ENKD1: variants seen among roughly 807,000 people sequenced by gnomAD.
The protein encoded by ENKD1 is enkurin domain containing 1.
ENKD1 carries 39 observed loss-of-function variants against 35.8 expected under a neutral mutation model. The ratio of observed to expected loss-of-function variants is 1.09; its 90% CI spans 0.84 to 1.42. ENKD1 has a LOEUF of 1.42. ENKD1 is among the 40% of genes most tolerant of loss of function. The probability of loss-of-function intolerance (pLI) is 0.00; values close to 1 mark genes in which losing one functional copy is unlikely to be tolerated. For missense variants in ENKD1, 474 were observed against 471.3 expected (o/e 1.01, Z -0.05); for synonymous variants, 205 against 198.6 (o/e 1.03, Z -0.27).
chr16:67,666,542 G>A lies in ENKD1; in HGVS notation c.-100C>T. ...CAACCCCGGGCCCCCTCCCTCGCCCGGCACCCTGACCCTGGCGTGCCCGCC... is the reference window on the plus strand; with the variant it reads ...CAACCCCGGGCCCCCTCCCTCGCCCAGCACCCTGACCCTGGCGTGCCCGCC... On this transcript the variant is annotated 5_prime_UTR_variant, in exon 1 of 7. Transcript: ENST00000243878. 5 of 1,164,170 alleles carry A rather than the reference G, an allele frequency of 4.3e-6. No homozygotes were observed. The highest frequency in any genetic ancestry group is 5.7e-6 in the Non-Finnish European group (5 of 880,920). 72.1% of individuals were successfully genotyped at this position (1,164,170 alleles called of 1,614,324 possible). A position where few individuals can be genotyped will look rare whatever the true frequency, so the allele number is the denominator to read the frequency against.
Position 67,666,386 on chromosome 16 carries a change from AC to A in ENKD1, c.56del (p.Cys19PhefsTer20). ...SGPIPPDPTLCPDNYRRPTSA... is the reference protein window; with the variant it reads ...SGPIPPDPTLXPDNYRRPTSA... ...AGGTCGGCCGCCTGTAGTTGTCAGG[AC>A]AGAGCGTCGGGTCTGGGGGGATGGG... On this transcript the variant is annotated frameshift_variant, in exon 1 of 7. Transcript: ENST00000243878. LOFTEE classifies it high-confidence loss of function. 1 of 1,575,022 alleles carries A rather than the reference AC, an allele frequency of 6.3e-7. No individual in the cohort carries two copies. Among genetic ancestry groups the A allele is most frequent in the South Asian group, 1.1e-5 (1 of 87,894 alleles).
Position 67,663,496 on chromosome 16 carries a change from C to G in ENKD1, c.804G>C (p.Pro268=). 9.9e-6 allele frequency: 16 copies of G among 1,612,664 alleles called. No individual in the cohort carries two copies. Among genetic ancestry groups the G allele is most frequent in the Non-Finnish European group, 1.4e-5 (16 of 1,179,864 alleles). The change falls in exon 6 of 7, where the codon CCG becomes CCC. Residue 268 remains proline, a synonymous_variant. Transcript: ENST00000243878. The part of the protein sequence containing the change: ...REAEARKQSQ[P]DPAMPPGHTR... ...TGTGGCCTGGGGGCATGGCAGGGTC[C>G]GGCTGGCTCTGCTTGCGGGCCTCGG...
Position 67,663,550 on chromosome 16 carries a change from C to T in ENKD1, c.750G>A (p.Leu250=). ...TQKGHVPHYL[L]ERRDLWRREA... ...CCCGCCGCCACAGGTCCCTGCGCTCCAACAAGCTGTGGGTACACAGGCTCA... is the reference window on the plus strand; with the variant it reads ...CCCGCCGCCACAGGTCCCTGCGCTCTAACAAGCTGTGGGTACACAGGCTCA... The change falls in exon 6 of 7, where the codon TTG becomes TTA. Residue 250 remains leucine, a synonymous_variant. Coordinates refer to ENST00000243878, the MANE Select transcript of ENKD1 (RefSeq NM_032140.3). The T allele has an allele frequency of 6.2e-7, 1 of 1,611,820 alleles. No individual in the cohort carries two copies. The highest frequency in any genetic ancestry group is 8.5e-7 in the Non-Finnish European group (1 of 1,179,162).
Position 67,666,661 on chromosome 16 carries a change from G to C in ENKD1, c.-219C>G, listed in dbSNP as rs2142988500. 1 of 508,618 alleles carries C rather than the reference G, an allele frequency of 2.0e-6. No homozygotes were observed. The highest frequency in any genetic ancestry group is 3.4e-6 in the Non-Finnish European group (1 of 295,808). The allele number at this position is 508,618 out of a possible 1,614,324, so 31.5% of individuals were successfully genotyped here. Reference sequence around the variant, plus strand: ...CAGCCCACTTCTCGGTCCCGCTCGCGGCCTCTCCCCCGCGGCACTCGGGCA... The same window carrying C: ...CAGCCCACTTCTCGGTCCCGCTCGCCGCCTCTCCCCCGCGGCACTCGGGCA... On this transcript the variant is annotated 5_prime_UTR_variant, in exon 1 of 7. Transcript: ENST00000243878.
At chr16:67,663,888 C>A (rs1166766258) in intron 4 of ENKD1, 49 bp downstream of exon 4, 7 of 1,604,588 alleles carry the variant, frequency 4.4e-6, no homozygotes, top group Non-Finnish European at 6.0e-6. Flanking sequence ...ACCCCCCCCA[C>A]ACCAGGAGCC....
In ENKD1 at chr16:67,663,056, C is replaced by T. The variant is rs2053051932; in HGVS notation, c.*105G>A. 3 of 1,412,000 alleles carry T rather than the reference C, an allele frequency of 2.1e-6. No homozygotes were observed. The highest frequency in any genetic ancestry group is 1.9e-6 in the Non-Finnish European group (2 of 1,041,370). 87.5% of individuals were successfully genotyped at this position (1,412,000 alleles called of 1,614,324 possible). A position where few individuals can be genotyped will look rare whatever the true frequency, so the allele number is the denominator to read the frequency against. ...TCTAGGGACACTGGCCACCCCCCTG[C>T]TCCTGTCTTCAGACCTCTGCTCTGG... On this transcript the variant is annotated 3_prime_UTR_variant, in exon 7 of 7. Transcript: ENST00000243878.
chr16:67,663,178 C>T lies in ENKD1; in HGVS notation c.1024G>A (p.Val342Met), dbSNP rs749387075. 10 of 1,613,924 alleles carry T rather than the reference C, an allele frequency of 6.2e-6. No individual in the cohort carries two copies. The highest frequency in any genetic ancestry group is 1.7e-5 in the Admixed American group (1 of 60,004). The change falls in exon 7 of 7, where the codon GTG becomes ATG. Residue 342 changes from valine (V) to methionine (M), a missense_variant. Coordinates refer to ENST00000243878, the MANE Select transcript of ENKD1 (RefSeq NM_032140.3). ...AAAGGGGCTCAGTCGTCCATCTTCA[C>T]GAAGACTTTGGGCCGAGAAAAGATC... is the stretch of plus-strand genomic sequence containing the variant. ...IKIFSRPKVF[V>M]KMDD
chr16:67,666,615 C>T lies in ENKD1; in HGVS notation c.-173G>A. ...CCGCCTGGGCCCCGGCCTCGCTCGC[C>T]ACCTCCGCGACCTCTGCTCCCAGCC... On this transcript the variant is annotated 5_prime_UTR_variant, in exon 1 of 7. Transcript: ENST00000243878. 1 of 581,640 alleles carries T rather than the reference C, an allele frequency of 1.7e-6. No individual in the cohort carries two copies. The highest frequency in any genetic ancestry group is 3.5e-5 in the East Asian group (1 of 28,682). The allele number at this position is 581,640 out of a possible 1,614,324, so 36.0% of individuals were successfully genotyped here.
Position 67,666,122 on chromosome 16 carries a change from C to A in ENKD1, c.229G>T (p.Val77Leu). ...GAGATCCCCTCGAGTTGCAACAGCA[C>A]GTCCCCGACGCCGCGCTGGCCGCGC... ...LERGQRGVGD[V>L]LLQLEGISLG... The change falls in exon 2 of 7, where the codon GTG becomes TTG. Residue 77 changes from valine to leucine, a missense_variant. Physicochemically the swap from Val to Leu is conservative, Grantham distance 32 (BLOSUM62 1). Coordinates refer to ENST00000243878, the MANE Select transcript of ENKD1 (RefSeq NM_032140.3). 6.2e-7 allele frequency: 1 copy of A among 1,612,856 alleles called. No homozygotes were observed. The highest frequency in any genetic ancestry group is 1.7e-5 in the Admixed American group (1 of 60,030).
chr16:67,666,271 G>A lies in ENKD1; in HGVS notation c.86-6C>T. On this transcript the variant is annotated splice_region_variant and splice_polypyrimidine_tract_variant and intron_variant, in intron 1 of 6. Coordinates refer to ENST00000243878, the MANE Select transcript of ENKD1 (RefSeq NM_032140.3). ...TCCCTCGAGGCGCCCTTGAGCTGTG[G>A]GGCGGAGCCGGGCGGAGTCCGGGGC... 1 of 1,598,988 alleles carries A rather than the reference G, an allele frequency of 6.3e-7. No homozygotes were observed. Among genetic ancestry groups the A allele is most frequent in the Non-Finnish European group, 8.5e-7 (1 of 1,174,068 alleles).
intron 3 of ENKD1, chr16:67,664,621 A>C (rs958913464): frequency 6.5e-6 from 2 of 310,016 alleles, no homozygotes; most frequent in African/African-American, 2.2e-5. Context: ...GTCCTCAGAA[A>C]TAAGGGCTGA....
intron 2 of ENKD1, among the ~76,000 whole-genome samples, chr16:67,665,603 C>G (rs2053090739): frequency 6.6e-6 from 1 of 152,192 alleles, no homozygotes; most frequent in Admixed American, 6.5e-5. Context: ...CTCAAGTGAT[C>G]TGCCCGCCTG....
chr16:67,664,010 G>A lies in ENKD1; in HGVS notation c.506C>T (p.Ser169Phe). 1 of 1,574,074 alleles carries A rather than the reference G, an allele frequency of 6.4e-7. No homozygotes were observed. The highest frequency in any genetic ancestry group is 1.2e-5 in the South Asian group (1 of 86,158). ...TESAHFLRAH[S>F]RCGPGLPPPH... ...TGGTGGGAGGCCAGGGCCGCAGCGG[G>A]AGTGCGCCCGCAGGAAGTGGGCAGA... The change falls in exon 4 of 7, where the codon TCC (serine) becomes TTC (phenylalanine). Residue 169 changes from serine (S) to phenylalanine (F), a missense_variant. Coordinates refer to ENST00000243878, the MANE Select transcript of ENKD1 (RefSeq NM_032140.3).
chr16:67,665,076 C>G lies in ENKD1; in HGVS notation c.373G>C (p.Gly125Arg), dbSNP rs1442056786. The G allele has an allele frequency of 6.2e-7, 1 of 1,613,902 alleles. No homozygotes were observed. Among genetic ancestry groups the G allele is most frequent in the South Asian group, 1.1e-5 (1 of 91,090 alleles). The stretch of plus-strand genomic sequence containing the variant: ...AGAGCTTTCAGGGGCCTGGGCTGGC[C>G]CTGCTCCCGGCTGCGCTCCTGTTCT... ...FREQERSREQ[G>R]QPRPLKALWR... The change falls in exon 3 of 7, where the codon GGC becomes CGC. Residue 125 changes from glycine (G) to arginine (R), a missense_variant. Transcript: ENST00000243878.
chr16:67,663,626 T>A (rs2053061270), intron 5 of ENKD1, 31 bp downstream of exon 5: 1 of 1,605,104 alleles, frequency 6.2e-7, no homozygotes. Context: ...ACAGGTGTCC[T>A]TCACCCTGAG....
chr16:67,666,401 T>TG lies in ENKD1; in HGVS notation c.41dup (p.Asp15ArgfsTer7), dbSNP rs747683338. The TG allele has an allele frequency of 6.4e-6, 10 of 1,561,640 alleles. No individual in the cohort carries two copies. Among genetic ancestry groups the TG allele is most frequent in the South Asian group, 5.8e-5 (5 of 86,638 alleles). ...AGTTGTCAGGACAGAGCGTCGGGTC[T>TG]GGGGGGATGGGCCCCGAGATGCGGG... On this transcript the variant is annotated frameshift_variant, in exon 1 of 7. Transcript: ENST00000243878. LOFTEE classifies it high-confidence loss of function.
chr16:67,663,336 GGAACAGTGA>G lies in ENKD1; in HGVS notation c.881-24_881-16del. 2 of 1,613,264 alleles carry G rather than the reference GGAACAGTGA, an allele frequency of 1.2e-6. No individual in the cohort carries two copies. The highest frequency in any genetic ancestry group is 2.2e-5 in the South Asian group (2 of 91,082). On this transcript the variant is annotated splice_polypyrimidine_tract_variant and intron_variant, in intron 6 of 6. Coordinates refer to ENST00000243878, the MANE Select transcript of ENKD1 (RefSeq NM_032140.3). ...CTGGCTCTGGCCTACAGGGGGCCCG[GGAACAGTGA>G]GAACAGTGAGTGTTGGGCAGGGGTG... is the stretch of plus-strand genomic sequence containing the variant.
chr16:67,664,781 C>T (rs937962342), intron 3 of ENKD1, among the ~76,000 whole-genome samples: 1 of 152,208 alleles, frequency 6.6e-6, no homozygotes, highest in African/African-American at 2.4e-5. Context: ...ATGTTCTCTT[C>T]TGCTGTCCCT....
In ENKD1 at chr16:67,663,145, T is replaced by C. The variant is rs1334932424; in HGVS notation, c.*16A>G. On this transcript the variant is annotated 3_prime_UTR_variant, in exon 7 of 7. Transcript: ENST00000243878. ...TCCTCAGCATGGAGCTCCTTGCCAC[T>C]GTCCCCCAAAGGGGCTCAGTCGTCC... 1.9e-6 allele frequency: 3 copies of C among 1,613,654 alleles called. No individual in the cohort carries two copies. The highest frequency in any genetic ancestry group is 1.7e-6 in the Non-Finnish European group (2 of 1,179,902).
Sources: gnomAD v4.1 joint callset for allele counts (sites outside exome capture counted in the v4.1 genomes callset) on GRCh38, gnomAD v4.1.1 for gene constraint, MANE v1.5 for transcripts, NCBI Gene and HGNC (gene_info 2026-07-23, HGNC 2026-07-21) for gene names.